THSD4: variants seen among roughly 807,000 people sequenced by gnomAD.
THSD4 encodes the protein thrombospondin type-1 domain-containing protein 4.
A neutral mutation model predicts 119.0 loss-of-function variants in THSD4; 69 were observed. The observed-to-expected ratio is 0.58, with a 90% CI of 0.48 to 0.71. THSD4 has a LOEUF of 0.71. Among genes scored for constraint, THSD4 ranks in the 30% least tolerant of loss-of-function variants. The pLI is 0.00. For synonymous variants in THSD4, 524 were observed against 540.4 expected, an observed-to-expected ratio of 0.97 and a Z score of 0.42; for missense variants, 1,393 against 1,391.1, an observed-to-expected ratio of 1.00 and a Z score of -0.02.
chr15:71,463,242 T>A (rs993348746), intron 7 of THSD4, among the ~76,000 whole-genome samples: 2 of 152,208 alleles, frequency 1.3e-5, no homozygotes, highest in Non-Finnish European at 1.5e-5. Flanking sequence ...TAGTTATTTC[T>A]CCCAGCGTTG....
In THSD4 at chr15:71,499,187, C is replaced by T. The variant is rs1380312072; in HGVS notation, c.1152+87364C>T. On this transcript the variant is annotated intron_variant, in intron 7 of 17. Coordinates refer to ENST00000261862, the MANE Select transcript of THSD4 (RefSeq NM_024817.3). ...CACTCTGGTCTAATTGATGCAACTC[C>T]TGGTACCCAGTTGCTGTCCTTTCAT... 3.3e-5 allele frequency among the ~76,000 whole-genome samples: 5 copies of T among 152,118 alleles called. No individual in the cohort carries two copies. In the East Asian group the frequency reaches 9.6e-4, roughly 29 times the overall value.
At chr15:71,252,215 C>T (rs2044266870) in intron 5 of THSD4, among the ~76,000 whole-genome samples, 1 of 152,254 alleles carries the variant, frequency 6.6e-6, no homozygotes, top group South Asian at 2.1e-4. Context: ...GCCCCCAGGG[C>T]CAGTTCACAG....
At position 71,630,708 on chromosome 15, in the gene THSD4, T is replaced by C. The variant is rs117300671; in HGVS notation, c.1153-29822T>C. On this transcript the variant is annotated intron_variant, in intron 7 of 17. Transcript: ENST00000261862. ...AAAGACTAAGGCCCTTCCAGGAGGG[T>C]CTCTCCCAGCTCTGGGGATCCCCTC... 9.0e-3 allele frequency among the ~76,000 whole-genome samples: 1,369 copies of C among 152,018 alleles called. 12 individuals are homozygous for C. The highest frequency in any genetic ancestry group is 0.015 in the Non-Finnish European group (989 of 67,974).
chr15:71,214,166 G>GATTGTATAGGC (rs2043910335), intron 3 of THSD4, among the ~76,000 whole-genome samples: 1 of 144,572 alleles, frequency 6.9e-6, no homozygotes, highest in African/African-American at 2.8e-5. Flanking sequence ...CTGTAAAATG[G>GATTGTATAGGC]ACCGATCAGC....
chr15:71,426,546 A>T (rs979775428), intron 7 of THSD4, among the ~76,000 whole-genome samples: 3 of 152,166 alleles, frequency 2.0e-5, no homozygotes, highest in Non-Finnish European at 2.9e-5. Flanking sequence ...GGCTTTGCTT[A>T]GAGTTTATAT....
chr15:71,290,622 G>C (rs1259414217), intron 6 of THSD4, among the ~76,000 whole-genome samples: 1 of 152,188 alleles, frequency 6.6e-6, no homozygotes, highest in Non-Finnish European at 1.5e-5. Flanking sequence ...GAAGTGCAGA[G>C]ATACATCATT....
intron 9 of THSD4, 161 bp from the exon 10 acceptor site, chr15:71,730,960 G>A (rs2141134062): frequency 3.2e-6 from 2 of 623,868 alleles, no homozygotes; most frequent in South Asian, 2.0e-5. Context: ...AGCCATCCAG[G>A]AATAACTTTG....
In THSD4 at chr15:71,438,116, G is replaced by A. The variant is rs930011149; in HGVS notation, c.1152+26293G>A. On this transcript the variant is annotated intron_variant, in intron 7 of 17. Coordinates refer to ENST00000261862, the MANE Select transcript of THSD4 (RefSeq NM_024817.3). ...CCCTACCCACCCTGGTCCCAGCTCTGTGCAGTGCCCTCCTCGCCCTCGCCC... is the reference window on the plus strand; with the variant it reads ...CCCTACCCACCCTGGTCCCAGCTCTATGCAGTGCCCTCCTCGCCCTCGCCC... 8.5e-5 allele frequency among the ~76,000 whole-genome samples: 13 copies of A among 152,090 alleles called. 1 individual carries two copies. Among genetic ancestry groups the A allele is most frequent in the Admixed American group, 6.5e-4 (10 of 15,270 alleles).
At chr15:71,697,587 AGAG>A (rs907114200) in intron 8 of THSD4, among the ~76,000 whole-genome samples, 4 of 152,228 alleles carry the variant, frequency 2.6e-5, no homozygotes, top group African/African-American at 9.6e-5. Context: ...AGACGACAGA[AGAG>A]GAGGGGACAT....
At chr15:71,732,873 T>G (rs770454093) in intron 10 of THSD4, 3 of 152,186 alleles carry the variant, frequency 2.0e-5, no homozygotes, top group Non-Finnish European at 4.4e-5. Flanking sequence ...TTCTCTGAAC[T>G]TTGGACGGGA....
Position 71,731,117 on chromosome 15 carries a change from G to A in THSD4, c.1534-4G>A. The A allele has an allele frequency of 1.2e-6, 2 of 1,614,080 alleles. No individual in the cohort carries two copies. Among genetic ancestry groups the A allele is most frequent in the Non-Finnish European group, 1.7e-6 (2 of 1,179,958 alleles). ...TGCGGTAACACTGATTTTTGTGTCA[G>A]CAGATGATACACCAGCAGCCAAACC... On this transcript the variant is annotated splice_polypyrimidine_tract_variant and splice_region_variant and intron_variant, in intron 9 of 17. Transcript: ENST00000261862.
In THSD4 at chr15:71,189,669, C is replaced by CAA. The variant is rs34897270; in HGVS notation, c.100-25354_100-25353dup. 6.4e-3 allele frequency among the ~76,000 whole-genome samples: 933 copies of CAA among 146,332 alleles called. 5 individuals carry two copies. Among genetic ancestry groups the CAA allele is most frequent in the Middle Eastern group, 0.025 (7 of 280 alleles). ...TGGGCGACAGAGCAAGACTCCGTCT[C>CAA]AAAAAAAAAAAAATACATGTTTCTG... On this transcript the variant is annotated intron_variant, in intron 3 of 17. Coordinates refer to ENST00000261862, the MANE Select transcript of THSD4 (RefSeq NM_024817.3).
chr15:71,386,823 A>C (rs1359985444), intron 6 of THSD4, among the ~76,000 whole-genome samples: 2 of 152,244 alleles, frequency 1.3e-5, no homozygotes, highest in Non-Finnish European at 2.9e-5. Flanking sequence ...TCAGAGGGTT[A>C]GCTTTTTAAA....
At chr15:71,330,155 G>A (rs1345828984) in intron 6 of THSD4, among the ~76,000 whole-genome samples, 1 of 151,838 alleles carries the variant, frequency 6.6e-6, no homozygotes, top group African/African-American at 2.4e-5. Context: ...TGGGCCAAAC[G>A]AGGAGGGGTG....
chr15:71,189,591 AC>A (rs1381837837), intron 3 of THSD4, among the ~76,000 whole-genome samples: 6 of 151,596 alleles, frequency 4.0e-5, no homozygotes, highest in African/African-American at 1.5e-4. Context: ...AATGGCGTGA[AC>A]CCGGGAGGTG....
intron 6 of THSD4, among the ~76,000 whole-genome samples, chr15:71,299,329 G>A (rs2044912485): frequency 6.6e-6 from 1 of 152,222 alleles, no homozygotes; most frequent in African/African-American, 2.4e-5. Context: ...AAGACCACTG[G>A]AGGCAGCCAC....
At chr15:71,539,400 C>T (rs78594163) in intron 7 of THSD4, among the ~76,000 whole-genome samples, 2,675 of 152,300 alleles carry the variant, frequency 0.018, 30 homozygotes, top group Middle Eastern at 0.048. Context: ...ACCATATGGA[C>T]CTCTGTGGAG....
chr15:71,616,840 G>A (rs977298113), intron 7 of THSD4, among the ~76,000 whole-genome samples: 1 of 152,190 alleles, frequency 6.6e-6, no homozygotes, highest in Non-Finnish European at 1.5e-5. Flanking sequence ...CATTCATCAT[G>A]AATAGGATTA....
At chr15:71,617,530 G>C (rs1175094824) in intron 7 of THSD4, among the ~76,000 whole-genome samples, 2 of 152,074 alleles carry the variant, frequency 1.3e-5, no homozygotes, top group Non-Finnish European at 1.5e-5. Flanking sequence ...TGAAGTCTTG[G>C]AGCTGCTGCC....
Sources: gnomAD v4.1 joint callset for allele counts (sites outside exome capture counted in the v4.1 genomes callset) on GRCh38, gnomAD v4.1.1 for gene constraint, MANE v1.5 for transcripts, NCBI Gene and HGNC (gene_info 2026-07-23, HGNC 2026-07-21) for gene names.